The following DOCK9 variants were observed in gnomAD, a reference collection of about 807,000 sequenced individuals.
DOCK9 encodes dedicator of cytokinesis 9.
In DOCK9, 89 loss-of-function variants were observed where a neutral mutation model predicts 263.3. The ratio of observed to expected loss-of-function variants is 0.34; its 90% confidence interval spans 0.28 to 0.40. DOCK9 has a LOEUF of 0.40. Among genes scored for constraint, DOCK9 ranks in the 10% least tolerant of loss-of-function variants. DOCK9 has a pLI of 1.00. For synonymous variants in DOCK9, 976 were observed against 973.1 expected, an observed-to-expected ratio of 1.00 and a Z score of -0.06; for missense variants, 2,140 against 2,603.4, an observed-to-expected ratio of 0.82 and a Z score of 3.87.
chr13:98,976,724 T>C (rs1308321240), intron 1 of DOCK9, among the ~76,000 whole-genome samples: 1 of 152,196 alleles, frequency 6.6e-6, no homozygotes, highest in African/African-American at 2.4e-5. Context: ...AAAAAGACCA[T>C]GATATTTTAC....
At chr13:99,058,882 G>A (rs556295808) in intron 1 of DOCK9, among the ~76,000 whole-genome samples, 2 of 152,250 alleles carry the variant, frequency 1.3e-5, no homozygotes, top group African/African-American at 4.8e-5. Flanking sequence ...GGTGAATCCA[G>A]TGCAAACTCT....
At chr13:99,073,685 C>T (rs2041790653) in intron 1 of DOCK9, among the ~76,000 whole-genome samples, 1 of 152,108 alleles carries the variant, frequency 6.6e-6, no homozygotes, top group Non-Finnish European at 1.5e-5. Flanking sequence ...TTGGCCTAAC[C>T]CTTCCTGCCT....
intron 1 of DOCK9, among the ~76,000 whole-genome samples, chr13:98,966,753 G>A (rs2059238283): frequency 6.6e-6 from 1 of 152,216 alleles, no homozygotes; most frequent in African/African-American, 2.4e-5. Context: ...TCCACTGCCA[G>A]GCAGGCAGTA....
chr13:98,821,811 C>T (rs763778251), intron 45 of DOCK9, among the ~76,000 whole-genome samples: 3 of 152,134 alleles, frequency 2.0e-5, no homozygotes, highest in Non-Finnish European at 4.4e-5. Flanking sequence ...TTTTAGGTAG[C>T]GTCCCTTAAA....
chr13:98,892,819 T>C (rs188047220), intron 15 of DOCK9, among the ~76,000 whole-genome samples: 2 of 152,288 alleles, frequency 1.3e-5, no homozygotes, highest in South Asian at 2.1e-4. Flanking sequence ...TCAGTATTCA[T>C]GGTGGGAGAA....
intron 1 of DOCK9, among the ~76,000 whole-genome samples, chr13:99,008,232 ATATTTTT>A (rs1883792043): frequency 9.7e-6 from 1 of 103,424 alleles, no homozygotes; most frequent in Non-Finnish European, 2.0e-5. Flanking sequence ...ATATATATAT[ATATTTTT>A]TTTTTTTTTT....
chr13:98,903,155 T>A, intron 10 of DOCK9, 43 bp from the exon 11 acceptor site: 1 of 1,421,572 alleles, frequency 7.0e-7, no homozygotes, highest in Non-Finnish European at 9.2e-7. Context: ...TATGCTCTTA[T>A]TTTAAAAAAA....
At chr13:98,999,316 A>ACACTCTCTCTCTCT in intron 1 of DOCK9, among the ~76,000 whole-genome samples, 13 of 138,364 alleles carry the variant, frequency 9.4e-5, no homozygotes, top group Admixed American at 4.2e-4. Flanking sequence ...ACACACACAC[A>ACACTCTCTCTCTCT]CTCTCTCTCT....
intron 9 of DOCK9, among the ~76,000 whole-genome samples, chr13:98,911,890 GAC>G (rs2050113640): frequency 9.8e-6 from 1 of 101,702 alleles, no homozygotes; most frequent in South Asian, 3.7e-4. Flanking sequence ...TTTTTTTTGA[GAC>G]ACAGTCTTGC....
intron 32 of DOCK9, among the ~76,000 whole-genome samples, chr13:98,860,858 T>C (rs1017399232): frequency 6.6e-6 from 1 of 152,136 alleles, no homozygotes; most frequent in Non-Finnish European, 1.5e-5. Flanking sequence ...TTTGTTTTGT[T>C]TTTTTCCTTC....
rs140729359 is a variant in DOCK9 at position 99,006,315 on chromosome 13, T to C, written c.130-50764A>G. Among the ~76,000 whole-genome samples, 809 of 152,358 alleles carry C rather than the reference T, an allele frequency of 5.3e-3. 6 individuals carry two copies. Among genetic ancestry groups the C allele is most frequent in the Non-Finnish European group, 6.3e-3 (428 of 68,034 alleles). ...CACACAATAAAACAATATGCCTTAA[T>C]AGGCCTTTAAAAAATTCATTCTTCG... On this transcript the variant is annotated intron_variant, in intron 1 of 32. Transcript: ENST00000427887.
At position 98,898,253 on chromosome 13, in the gene DOCK9, C is replaced by G; in HGVS notation, c.1512G>C (p.Gln504His). The G allele has an allele frequency of 6.2e-7, 1 of 1,610,672 alleles. No homozygotes were observed. The highest frequency in any genetic ancestry group is 8.5e-7 in the Non-Finnish European group (1 of 1,178,306). ...CCTGCTTGGCATTCTTCAGCACCTT[C>G]TGGGCCACCTTGAAGACATGAGAAT... ...MKSSDSSKVA[Q>H]KVLKNAKQAC... is the part of the protein sequence containing the mutation. Residue 504 changes from glutamine (Q) to histidine (H), a missense_variant, in exon 14 of 53, where the codon CAG (glutamine) becomes CAC (histidine). Coordinates refer to ENST00000682017, the MANE Select transcript of DOCK9 (RefSeq NM_001366683.2).
chr13:98,878,155 G>C (rs2044163008), intron 27 of DOCK9, among the ~76,000 whole-genome samples: 1 of 152,146 alleles, frequency 6.6e-6, no homozygotes, highest in African/African-American at 2.4e-5. Flanking sequence ...CAAGGAGAGA[G>C]GCCTCAGAAG....
At chr13:98,850,712 T>C (rs1478748416) in intron 35 of DOCK9, among the ~76,000 whole-genome samples, 2 of 152,198 alleles carry the variant, frequency 1.3e-5, no homozygotes, top group Admixed American at 1.3e-4. Context: ...ATGAACATCC[T>C]TTTATGTGGG....
At position 99,023,220 on chromosome 13, in the gene DOCK9, G is replaced by A. The variant is rs556652778; in HGVS notation, c.129+63003C>T. Among the ~76,000 whole-genome samples, 5 of 152,322 alleles carry A rather than the reference G, an allele frequency of 3.3e-5. No individual in the cohort carries two copies. The South Asian group carries it at 8.3e-4, about 25-fold the overall frequency. On this transcript the variant is annotated intron_variant, in intron 1 of 32. Transcript: ENST00000427887. ...GCGTTATTCACAACAGCCAAGGGGC[G>A]AAAGCAACTGAAGTGTCCATCAGTG...
intron 27 of DOCK9, among the ~76,000 whole-genome samples, chr13:98,870,898 CAAA>C (rs11404800): frequency 7.4e-6 from 1 of 135,082 alleles, no homozygotes; most frequent in Non-Finnish European, 1.6e-5. Flanking sequence ...AATATGTTGC[CAAA>C]AAAAAAAAAA....
chr13:98,933,517 T>C (rs1044034849), intron 2 of DOCK9, among the ~76,000 whole-genome samples: 1 of 152,244 alleles, frequency 6.6e-6, no homozygotes, highest in Non-Finnish European at 1.5e-5. Context: ...GTTTACACAT[T>C]AACCATTACT....
In DOCK9 at chr13:99,031,679, G is replaced by A. The variant is rs554709637; in HGVS notation, c.129+54544C>T. 2.2e-4 allele frequency among the ~76,000 whole-genome samples: 34 copies of A among 152,308 alleles called. No individual in the cohort carries two copies. The South Asian group carries it at 6.8e-3, about 31-fold the overall frequency. On this transcript the variant is annotated intron_variant, in intron 1 of 32. Coordinates refer to the DOCK9 transcript ENST00000427887. The stretch of plus-strand genomic sequence containing the variant: ...GATGAAAATGTTCAGTAAGGGGTCA[G>A]GTGTCACTACTATCCCAGGCCCCCT...
At chr13:99,056,126 T>C (rs999333805) in intron 1 of DOCK9, among the ~76,000 whole-genome samples, 1 of 152,068 alleles carries the variant, frequency 6.6e-6, no homozygotes, top group African/African-American at 2.4e-5. Flanking sequence ...ACATAGAGAG[T>C]TTCCCTGGAA....
Sources: allele counts gnomAD v4.1 joint callset (sites outside exome capture counted in the v4.1 genomes callset), GRCh38; gene constraint gnomAD v4.1.1; transcripts MANE v1.5; gene names NCBI Gene and HGNC (gene_info 2026-07-23, HGNC 2026-07-21).